SEMA3A: variants seen among roughly 807,000 people sequenced by gnomAD.
SEMA3A encodes semaphorin 3A.
SEMA3A carries 29 observed loss-of-function variants against 97.9 expected under a neutral mutation model. The observed-to-expected ratio is 0.30, with a 90% CI of 0.22 to 0.40. The LOEUF (loss-of-function observed/expected upper bound fraction) is 0.40. Among genes scored for constraint, SEMA3A ranks in the 10% least tolerant of loss-of-function variants. The pLI is 1.00. For synonymous variants in SEMA3A, 321 were observed against 323.7 expected (o/e 0.99, Z 0.09); for missense variants, 763 against 951.3 (o/e 0.80, Z 2.60).
intron 1 of SEMA3A, among the ~76,000 whole-genome samples, chr7:84,169,836 A>G (rs1264292642): frequency 4.0e-5 from 6 of 151,884 alleles, no homozygotes; most frequent in Non-Finnish European, 8.9e-5. Context: ...ACAAATGACC[A>G]TAACTGGTAA....
intron 1 of SEMA3A, among the ~76,000 whole-genome samples, chr7:84,424,562 A>G (rs868475806): frequency 1.9e-5 from 1 of 53,842 alleles, no homozygotes; most frequent in Non-Finnish European, 2.9e-5. Flanking sequence ...ATTATATATA[A>G]TATATAAATA....
intron 2 of SEMA3A, among the ~76,000 whole-genome samples, chr7:84,339,727 G>GT (rs1463065774): frequency 6.6e-6 from 1 of 151,994 alleles, no homozygotes; most frequent in Non-Finnish European, 1.5e-5. Flanking sequence ...CTTAAATTTC[G>GT]TTTTTTCCTT....
intron 1 of SEMA3A, among the ~76,000 whole-genome samples, chr7:84,465,415 T>G (rs1805965723): frequency 6.6e-6 from 1 of 152,200 alleles, no homozygotes; most frequent in African/African-American, 2.4e-5. Context: ...TGAGGTTACT[T>G]TTAGATACAA....
chr7:84,443,967 A>C (rs1360697898), intron 1 of SEMA3A, among the ~76,000 whole-genome samples: 1 of 143,030 alleles, frequency 7.0e-6, no homozygotes, highest in African/African-American at 2.6e-5. Context: ...GCTCCCTTCA[A>C]CCTCCACCTC....
At position 84,014,296 on chromosome 7, in the gene SEMA3A, G is replaced by A. The variant is rs764703468; in HGVS notation, c.723C>T (p.Asp241=). 6.2e-7 allele frequency: 1 copy of A among 1,612,550 alleles called. No homozygotes were observed. The highest frequency in any genetic ancestry group is 8.5e-7 in the Non-Finnish European group (1 of 1,179,066). ...TTTCACGGAAGAAAAAGTATACTTT[G>A]TCATCTTCAGGATTGTCACTCTCTG... ...LISESDNPED[D]KVYFFFRENA... The change falls in exon 7 of 17, where the codon GAC becomes GAT. Residue 241 remains aspartate (D), a synonymous_variant. Transcript: ENST00000265362.
At chr7:84,396,102 C>T (rs1803724647) in intron 1 of SEMA3A, among the ~76,000 whole-genome samples, 2 of 151,694 alleles carry the variant, frequency 1.3e-5, no homozygotes, top group African/African-American at 4.8e-5. Context: ...TTAAGGAAGG[C>T]TGAATTAAGT....
chr7:84,377,033 C>T (rs936361755), intron 1 of SEMA3A, among the ~76,000 whole-genome samples: 1 of 152,154 alleles, frequency 6.6e-6, no homozygotes, highest in Non-Finnish European at 1.5e-5. Context: ...TATAATCTTA[C>T]ATGAGTATTT....
At chr7:84,439,469 A>G (rs907702323) in intron 1 of SEMA3A, among the ~76,000 whole-genome samples, 1 of 152,196 alleles carries the variant, frequency 6.6e-6, no homozygotes, top group African/African-American at 2.4e-5. Flanking sequence ...CAGTGTTTCT[A>G]TTAAGCATAA....
chr7:84,237,223 T>C (rs529460855), intron 3 of SEMA3A, among the ~76,000 whole-genome samples: 80 of 152,248 alleles, frequency 5.3e-4, no homozygotes, highest in Middle Eastern at 6.8e-3. Context: ...GACAAACATA[T>C]GTAGGTAAGT....
At chr7:84,203,040 T>G (rs577432235) in intron 3 of SEMA3A, among the ~76,000 whole-genome samples, 3 of 152,326 alleles carry the variant, frequency 2.0e-5, no homozygotes, top group African/African-American at 7.2e-5. Context: ...ACATATTTTG[T>G]TGGATTACTC....
At chr7:84,341,013 A>G (rs1207291475) in intron 2 of SEMA3A, among the ~76,000 whole-genome samples, 1 of 152,212 alleles carries the variant, frequency 6.6e-6, no homozygotes, top group Non-Finnish European at 1.5e-5. Flanking sequence ...GGAAATTACA[A>G]TTCTTCTGAT....
At chr7:84,313,638 T>C (rs1584231128) in intron 2 of SEMA3A, among the ~76,000 whole-genome samples, 2 of 151,736 alleles carry the variant, frequency 1.3e-5, no homozygotes, top group Middle Eastern at 3.4e-3. Flanking sequence ...CATTACTTTT[T>C]GAGAATATCA....
chr7:84,036,932 C>T (rs1490356171), intron 6 of SEMA3A, among the ~76,000 whole-genome samples: 8 of 151,770 alleles, frequency 5.3e-5, no homozygotes, highest in African/African-American at 1.9e-4. Context: ...AGAGTTAAAC[C>T]TTTGGATAGG....
chr7:84,250,086 A>G (rs1799570690), intron 3 of SEMA3A, among the ~76,000 whole-genome samples: 1 of 152,018 alleles, frequency 6.6e-6, no homozygotes, highest in Admixed American at 6.6e-5. Flanking sequence ...TTGCAAAGAG[A>G]AAATCTTATA....
chr7:84,261,041 C>A (rs1799845458), intron 3 of SEMA3A, among the ~76,000 whole-genome samples: 1 of 152,146 alleles, frequency 6.6e-6, no homozygotes, highest in African/African-American at 2.4e-5. Context: ...CCAGATTCAG[C>A]CCAACTCACA....
chr7:84,185,906 T>C (rs1264171227), intron 1 of SEMA3A, among the ~76,000 whole-genome samples: 4 of 151,974 alleles, frequency 2.6e-5, no homozygotes, highest in Non-Finnish European at 5.9e-5. Flanking sequence ...AAAAAAGAAA[T>C]AGAGAAGCCC....
chr7:84,055,043 A>G (rs1416381247), intron 5 of SEMA3A, among the ~76,000 whole-genome samples: 2 of 152,030 alleles, frequency 1.3e-5, no homozygotes, highest in African/African-American at 4.8e-5. Context: ...GACCCACTTG[A>G]GGAGGCAGTC....
intron 3 of SEMA3A, among the ~76,000 whole-genome samples, chr7:84,295,791 A>C (rs901048161): frequency 6.6e-6 from 1 of 152,144 alleles, no homozygotes; most frequent in African/African-American, 2.4e-5. Context: ...CAGTTATAAT[A>C]AAATACTTTC....
At chr7:84,442,503 A>G (rs1465092432) in intron 1 of SEMA3A, among the ~76,000 whole-genome samples, 2 of 152,106 alleles carry the variant, frequency 1.3e-5, no homozygotes, top group Non-Finnish European at 1.5e-5. Context: ...AAAATCTGAA[A>G]CTTCTACTAC....
Sources: allele counts gnomAD v4.1 joint callset (sites outside exome capture counted in the v4.1 genomes callset), GRCh38; gene constraint gnomAD v4.1.1; transcripts MANE v1.5; gene names NCBI Gene and HGNC (gene_info 2026-07-23, HGNC 2026-07-21).